The following HACD2 variants were observed in gnomAD, a reference collection of about 807,000 sequenced individuals.
HACD2 encodes the protein very-long-chain (3R)-3-hydroxyacyl-CoA dehydratase 2.
Under a neutral mutation model 31.0 loss-of-function variants are expected in HACD2, and 15 were observed. That is an observed-to-expected ratio of 0.48 (90% confidence interval 0.32 to 0.75). HACD2 has a LOEUF of 0.75. Among genes scored for constraint, HACD2 ranks in the 30% least tolerant of loss-of-function variants. The probability of loss-of-function intolerance (pLI) is 0.03; values close to 1 mark genes in which losing one functional copy is unlikely to be tolerated. For synonymous variants in HACD2, 115 were observed against 122.2 expected, an observed-to-expected ratio of 0.94 and a Z score of 0.39; for missense variants, 283 against 313.0, an observed-to-expected ratio of 0.90 and a Z score of 0.72.
At chr3:123,509,824 T>C (rs1021807923) in intron 4 of HACD2, among the ~76,000 whole-genome samples, 4 of 152,108 alleles carry the variant, frequency 2.6e-5, no homozygotes, top group African/African-American at 9.7e-5. Context: ...ATACAAATGT[T>C]ATTCTGCAAC....
intron 3 of HACD2, among the ~76,000 whole-genome samples, chr3:123,548,906 T>G (rs1288432965): frequency 1.3e-5 from 2 of 151,714 alleles, no homozygotes; most frequent in African/African-American, 2.4e-5. Flanking sequence ...GTTGCAGGCA[T>G]GAGCTACTGT....
chr3:123,514,679 T>C (rs1430707268), intron 4 of HACD2, among the ~76,000 whole-genome samples: 1 of 152,132 alleles, frequency 6.6e-6, no homozygotes, highest in Admixed American at 6.5e-5. Context: ...ATCAGTATTG[T>C]CTTAGACCGT....
At chr3:123,536,280 A>G (rs779442179) in intron 3 of HACD2, among the ~76,000 whole-genome samples, 1 of 152,228 alleles carries the variant, frequency 6.6e-6, no homozygotes, top group Non-Finnish European at 1.5e-5. Context: ...ATTGTAGCTC[A>G]GAGGGGAGAA....
Position 123,547,714 on chromosome 3 carries a change from T to G in HACD2, c.293-19240A>C, listed in dbSNP as rs970278050. On this transcript the variant is annotated intron_variant, in intron 3 of 6. Transcript: ENST00000383657. ...AGGTGGTATATGTTAGACCAAGCAT[T>G]ACGTTAGATTACATAGAAATAAAGG... Among the ~76,000 whole-genome samples, 4 of 152,234 alleles carry G rather than the reference T, an allele frequency of 2.6e-5. No individual in the cohort carries two copies. In the South Asian group the frequency reaches 8.3e-4, roughly 32 times the overall value.
chr3:123,500,482 C>A, intron 6 of HACD2, 33 bp downstream of exon 6: 1 of 1,432,594 alleles, frequency 7.0e-7, no homozygotes, highest in African/African-American at 1.4e-5. Flanking sequence ...AATTTTAAAA[C>A]ATAATTAAAT....
chr3:123,562,067 C>T (rs1162059257), intron 3 of HACD2, among the ~76,000 whole-genome samples: 1 of 152,168 alleles, frequency 6.6e-6, no homozygotes, highest in African/African-American at 2.4e-5. Flanking sequence ...CCGCCTTGGC[C>T]TCCCAAAGTA....
intron 3 of HACD2, among the ~76,000 whole-genome samples, chr3:123,544,929 C>T (rs1427711250): frequency 3.4e-5 from 5 of 148,398 alleles, no homozygotes; most frequent in African/African-American, 1.2e-4. Flanking sequence ...CAAAAACTAG[C>T]AGCATGTGGT....
chr3:123,553,223 C>T (rs564630661), intron 3 of HACD2, among the ~76,000 whole-genome samples: 4 of 152,188 alleles, frequency 2.6e-5, no homozygotes, highest in Non-Finnish European at 4.4e-5. Context: ...AGAGAAAGAT[C>T]TCAGAGTTTT....
intron 2 of HACD2, among the ~76,000 whole-genome samples, chr3:123,576,190 C>T (rs1339883264): frequency 6.6e-6 from 1 of 151,978 alleles, no homozygotes; most frequent in African/African-American, 2.4e-5. Flanking sequence ...TCAGTATCAC[C>T]TATTTCTTGC....
intron 4 of HACD2, among the ~76,000 whole-genome samples, chr3:123,507,557 A>G (rs1287696557): frequency 6.6e-6 from 1 of 152,192 alleles, no homozygotes; most frequent in African/African-American, 2.4e-5. Flanking sequence ...TATCCAGAAA[A>G]GACAAATCTA....
At chr3:123,581,335 CAA>C (rs1295823976) in intron 2 of HACD2, among the ~76,000 whole-genome samples, 2 of 152,230 alleles carry the variant, frequency 1.3e-5, no homozygotes, top group African/African-American at 4.8e-5. Flanking sequence ...TTTCCATAAG[CAA>C]AGTCTATAGT....
intron 2 of HACD2, among the ~76,000 whole-genome samples, chr3:123,574,297 T>A (rs2056885823): frequency 6.6e-6 from 1 of 152,236 alleles, no homozygotes; most frequent in African/African-American, 2.4e-5. Context: ...GTAGTCCTGC[T>A]TTTCTTGACA....
intron 2 of HACD2, among the ~76,000 whole-genome samples, chr3:123,579,713 G>A (rs1329296200): frequency 6.6e-6 from 1 of 152,160 alleles, no homozygotes. Context: ...GAAGTCTGAT[G>A]GTCTTGACTC....
In HACD2 at chr3:123,546,758, C is replaced by A. The variant is rs1484176321; in HGVS notation, c.293-18284G>T. ...CCTTTTATAGTTGAGAAAATGAACT[C>A]AATATCTGAAGAGAATCTGGGTGGA... On this transcript the variant is annotated intron_variant, in intron 3 of 6. Coordinates refer to ENST00000383657, the MANE Select transcript of HACD2 (RefSeq NM_198402.5). Among the ~76,000 whole-genome samples, 2 of 152,122 alleles carry A rather than the reference C, an allele frequency of 1.3e-5. 1 individual carries two copies. Among genetic ancestry groups the A allele is most frequent in the Admixed American group, 1.3e-4 (2 of 15,270 alleles).
chr3:123,548,231 A>C (rs1472041867), intron 3 of HACD2, among the ~76,000 whole-genome samples: 1 of 152,008 alleles, frequency 6.6e-6, no homozygotes, highest in Non-Finnish European at 1.5e-5. Context: ...TGTGACTTAA[A>C]AGAGACTGGA....
At chr3:123,547,467 G>A (rs928809836) in intron 3 of HACD2, among the ~76,000 whole-genome samples, 7 of 152,208 alleles carry the variant, frequency 4.6e-5, no homozygotes, top group Non-Finnish European at 1.0e-4. Context: ...GGAGAACACT[G>A]AACACAGCTC....
intron 3 of HACD2, among the ~76,000 whole-genome samples, chr3:123,542,146 C>CAA (rs11391480): frequency 0.019 from 763 of 40,962 alleles, 154 homozygotes; most frequent in African/African-American, 0.066. Context: ...GACTCCGTCT[C>CAA]AAAAAAAAAA....
At chr3:123,503,901 G>A (rs1413420162) in intron 4 of HACD2, among the ~76,000 whole-genome samples, 1 of 152,118 alleles carries the variant, frequency 6.6e-6, no homozygotes, top group African/African-American at 2.4e-5. Context: ...TAGCACTTAT[G>A]TTCTTCCTCA....
intron 3 of HACD2, among the ~76,000 whole-genome samples, chr3:123,530,408 ATTT>A (rs1168086468): frequency 3.7e-5 from 5 of 134,140 alleles, no homozygotes; most frequent in Admixed American, 1.5e-4. Context: ...GTGCCAGGTA[ATTT>A]TTTTTTTTTT....
Sources: allele counts gnomAD v4.1 joint callset (sites outside exome capture counted in the v4.1 genomes callset), GRCh38; gene constraint gnomAD v4.1.1; transcripts MANE v1.5; gene names NCBI Gene and HGNC (gene_info 2026-07-23, HGNC 2026-07-21).